The following PHF20L1 variants were observed in gnomAD, a reference collection of about 807,000 sequenced individuals.
The protein encoded by PHF20L1 is PHD finger protein 20 like 1.
A neutral mutation model predicts 125.5 loss-of-function variants in PHF20L1; 44 were observed. That is an observed-to-expected ratio of 0.35 (90% CI 0.28 to 0.45). The LOEUF (loss-of-function observed/expected upper bound fraction) is 0.45. Ranked by LOEUF, PHF20L1 falls within the 20% of genes least tolerant of loss-of-function variation. The pLI is 1.00. For synonymous variants in PHF20L1, 380 were observed against 403.1 expected (o/e 0.94, Z 0.69); for missense variants, 1,012 against 1,217.2 (o/e 0.83, Z 2.51).
chr8:132,831,105 T>A (rs1483928572), intron 14 of PHF20L1, among the ~76,000 whole-genome samples: 1 of 152,068 alleles, frequency 6.6e-6, no homozygotes, highest in African/African-American at 2.4e-5. Flanking sequence ...TGTGCCTTCC[T>A]GCATTCCATC....
At chr8:132,822,810 T>A (rs1835746789) in intron 12 of PHF20L1, among the ~76,000 whole-genome samples, 1 of 151,958 alleles carries the variant, frequency 6.6e-6, no homozygotes. Context: ...TATATTTAAA[T>A]GATAGAAAAT....
At chr8:132,793,581 A>T (rs897502113) in intron 2 of PHF20L1, among the ~76,000 whole-genome samples, 2 of 152,192 alleles carry the variant, frequency 1.3e-5, no homozygotes, top group African/African-American at 4.8e-5. Context: ...ATCATACTTT[A>T]AAAAAAATTG....
intron 16 of PHF20L1, among the ~76,000 whole-genome samples, chr8:132,837,417 A>G (rs1343025713): frequency 6.6e-6 from 1 of 152,138 alleles, no homozygotes; most frequent in Admixed American, 6.6e-5. Context: ...TAAGAGTTTT[A>G]TGATATGATT....
chr8:132,812,416 G>A (rs577858078), intron 9 of PHF20L1: 46 of 985,046 alleles, frequency 4.7e-5, no homozygotes, highest in Middle Eastern at 5.2e-4. Context: ...GGCAGTACCC[G>A]TCTTAGAGAG....
At chr8:132,819,416 A>G (rs527989651) in intron 12 of PHF20L1, among the ~76,000 whole-genome samples, 1 of 151,898 alleles carries the variant, frequency 6.6e-6, no homozygotes, top group African/African-American at 2.4e-5. Context: ...GGGAGGTGAA[A>G]TTCTCATTTG....
intron 19 of PHF20L1, 162 bp from the exon 20 acceptor site, chr8:132,843,994 C>T (rs533716332): frequency 1.0e-6 from 1 of 985,232 alleles, no homozygotes; most frequent in Admixed American, 6.2e-5. Context: ...GAACCACCAG[C>T]TGGAATTTGG....
intron 9 of PHF20L1, chr8:132,813,269 C>A: frequency 5.0e-6 from 1 of 200,210 alleles, no homozygotes; most frequent in Non-Finnish European, 8.9e-6. Flanking sequence ...AGTACCTTTT[C>A]AAATAATTAA....
chr8:132,816,792 A>T, intron 10 of PHF20L1, 96 bp from the exon 11 acceptor site: 1 of 841,956 alleles, frequency 1.2e-6, no homozygotes, highest in African/African-American at 1.7e-5. Context: ...CATCAGAGGG[A>T]AGAATATAAA....
intron 1 of PHF20L1, among the ~76,000 whole-genome samples, chr8:132,777,269 C>G (rs932354759): frequency 1.3e-5 from 2 of 152,278 alleles, no homozygotes; most frequent in East Asian, 3.9e-4. Flanking sequence ...TCTTCACTGG[C>G]AGAGGAGTGT....
In PHF20L1 at chr8:132,817,542, G is replaced by T. The variant is rs1586979140; in HGVS notation, c.1576G>T (p.Ala526Ser). 1.9e-6 allele frequency: 3 copies of T among 1,605,528 alleles called. No individual in the cohort carries two copies. Among genetic ancestry groups the T allele is most frequent in the Non-Finnish European group, 2.6e-6 (3 of 1,176,180 alleles). Reference sequence around the variant, plus strand: ...TGATGGAAGAGGAGCTCCAGCAGCAGCAGGTAAAAGAAAAAAAATAAAGGC... The same window carrying T: ...TGATGGAAGAGGAGCTCCAGCAGCATCAGGTAAAAGAAAAAAAATAAAGGC... Reference protein sequence around the residue: ...IADGRGAPAAAGISKTEKKVK... With the variant: ...IADGRGAPAASGISKTEKKVK... The change falls in exon 12 of 21, where the codon GCA becomes TCA. Residue 526 changes from alanine (A) to serine (S), a missense_variant. Transcript: ENST00000395386.
intron 14 of PHF20L1, chr8:132,826,855 A>G (rs1346440305): frequency 6.6e-6 from 1 of 151,966 alleles, no homozygotes; most frequent in East Asian, 1.9e-4. Context: ...CATTTTTTTC[A>G]TATTTATTAG....
intron 17 of PHF20L1, 74 bp from the exon 18 acceptor site, chr8:132,839,313 T>G: frequency 1.8e-6 from 2 of 1,142,226 alleles, no homozygotes; most frequent in Non-Finnish European, 2.6e-6. Flanking sequence ...ATGAGCAACG[T>G]TAGTAGGTTA....
In PHF20L1 at chr8:132,838,049, A is replaced by T. The variant is rs75792293; in HGVS notation, c.2191+238A>T. 5 of 399,180 alleles carry T rather than the reference A, an allele frequency of 1.3e-5. No homozygotes were observed. The Admixed American group carries it at 1.7e-4, about 14-fold the overall frequency. 24.7% of individuals were successfully genotyped at this position (399,180 alleles called of 1,614,324 possible). Reference sequence around the variant, plus strand: ...TCATTATTCAGTGTGCCAGTTTCCAAGAACCTATTGATTACCCTTAGTGAG... The same window carrying T: ...TCATTATTCAGTGTGCCAGTTTCCATGAACCTATTGATTACCCTTAGTGAG... On this transcript the variant is annotated intron_variant, in intron 17 of 20. Transcript: ENST00000395386.
At chr8:132,833,504 T>G (rs891163179) in intron 15 of PHF20L1, among the ~76,000 whole-genome samples, 4 of 152,064 alleles carry the variant, frequency 2.6e-5, no homozygotes, top group Non-Finnish European at 2.9e-5. Flanking sequence ...GCTGCGGTTC[T>G]TCTAAACTAT....
intron 2 of PHF20L1, among the ~76,000 whole-genome samples, chr8:132,786,791 G>C (rs1321525760): frequency 6.6e-6 from 1 of 152,040 alleles, no homozygotes; most frequent in Non-Finnish European, 1.5e-5. Flanking sequence ...GCAAAATAAT[G>C]CATGTTATAT....
intron 8 of PHF20L1, among the ~76,000 whole-genome samples, chr8:132,805,799 A>G (rs1260603595): frequency 1.3e-5 from 2 of 151,984 alleles, no homozygotes; most frequent in African/African-American, 4.8e-5. Context: ...TGGTTTTAGC[A>G]GGTGAGAATA....
At chr8:132,796,865 A>T (rs1473276078) in intron 4 of PHF20L1, among the ~76,000 whole-genome samples, 2 of 152,130 alleles carry the variant, frequency 1.3e-5, no homozygotes, top group Admixed American at 6.6e-5. Context: ...ACCCAAAACA[A>T]AGTGAAATTA....
intron 20 of PHF20L1, 75 bp from the exon 21 acceptor site, chr8:132,845,706 A>C (rs549674356): frequency 2.3e-5 from 24 of 1,063,308 alleles, no homozygotes; most frequent in Non-Finnish European, 3.5e-5. Flanking sequence ...CACAGCTCCA[A>C]CTTTCTGATT....
In PHF20L1 at chr8:132,839,582, A is replaced by G. The variant is rs1318861839; in HGVS notation, c.2387A>G (p.Lys796Arg). ...HGLQLKIGILKNKHHPDLHLW... is the reference protein window; with the variant it reads ...HGLQLKIGILRNKHHPDLHLW... ...CTACAGCTGAAGATTGGAATACTAA[A>G]GTAAGTGAAGGGCAGCAAAGGGAGG... The change falls in exon 18 of 21, where the codon AAG becomes AGG. Residue 796 changes from lysine to arginine, a missense_variant and splice_region_variant. This residue lies in a region of PHF20L1 where 277 missense variants were observed against 283.6 expected (regional missense o/e 0.98). Coordinates refer to ENST00000395386, the MANE Select transcript of PHF20L1 (RefSeq NM_016018.5). The G allele has an allele frequency of 3.1e-6, 5 of 1,609,006 alleles. No homozygotes were observed. Among genetic ancestry groups the G allele is most frequent in the Admixed American group, 3.3e-5 (2 of 59,840 alleles).
Sources: allele counts gnomAD v4.1 joint callset (sites outside exome capture counted in the v4.1 genomes callset), GRCh38; gene constraint gnomAD v4.1.1; regional missense constraint gnomAD v4.1.1; transcripts MANE v1.5; gene names NCBI Gene and HGNC (gene_info 2026-07-23, HGNC 2026-07-21).